The following ALG8 variants were observed in gnomAD, a reference collection of about 807,000 sequenced individuals.
The protein encoded by ALG8 is dolichyl pyrophosphate Glc1Man9GlcNAc2 alpha-1,3-glucosyltransferase.
Under a neutral mutation model 70.2 loss-of-function variants are expected in ALG8, and 48 were observed. The observed-to-expected ratio is 0.68, with a 90% CI of 0.54 to 0.87. The LOEUF (loss-of-function observed/expected upper bound fraction) is 0.87, where lower values mean the gene tolerates loss of function less well. Among genes scored for constraint, ALG8 ranks in the 40% least tolerant of loss-of-function variants. The pLI is 0.00. For missense variants in ALG8, 572 were observed against 608.7 expected, an observed-to-expected ratio of 0.94 and a Z score of 0.64; for synonymous variants, 234 against 229.0, an observed-to-expected ratio of 1.02 and a Z score of -0.20.
chr11:78,121,308 T>C (rs199913102), intron 3 of ALG8, 134 bp from the exon 4 acceptor site: 2 of 712,394 alleles, frequency 2.8e-6, no homozygotes, highest in African/African-American at 3.6e-5. Context: ...TTTTTTCCAA[T>C]TTTTCTTTTT....
At chr11:78,133,538 C>T (rs946119309) in intron 1 of ALG8, 2 of 152,076 alleles carry the variant, frequency 1.3e-5, no homozygotes, top group Admixed American at 6.6e-5. Flanking sequence ...GTTTAGACCA[C>T]CATAATGAAG....
intron 2 of ALG8, among the ~76,000 whole-genome samples, chr11:78,126,736 A>C (rs1394416167): frequency 1.3e-5 from 2 of 152,100 alleles, no homozygotes; most frequent in Non-Finnish European, 2.9e-5. Context: ...TGAGACACTA[A>C]GGCCCAGAGA....
intron 6 of ALG8, 115 bp downstream of exon 6, chr11:78,114,151 A>G: frequency 6.9e-7 from 1 of 1,459,854 alleles, no homozygotes; most frequent in Non-Finnish European, 9.5e-7. Context: ...GGCTTACAGG[A>G]TTAGCAGCTG....
At chr11:78,136,050 G>C in intron 1 of ALG8, among the ~76,000 whole-genome samples, 1 of 151,850 alleles carries the variant, frequency 6.6e-6, no homozygotes, top group East Asian at 1.9e-4. Context: ...TGCACCTGTA[G>C]TTCAAGCTAC....
intron 8 of ALG8, among the ~76,000 whole-genome samples, chr11:78,111,376 T>C (rs914106906): frequency 6.6e-6 from 1 of 152,176 alleles, no homozygotes; most frequent in Non-Finnish European, 1.5e-5. Flanking sequence ...TAGGTACAGG[T>C]AAAGTACTAG....
chr11:78,103,958 T>C (rs756061574), intron 12 of ALG8, 22 bp downstream of exon 12: 6 of 1,329,168 alleles, frequency 4.5e-6, no homozygotes, highest in Non-Finnish European at 6.5e-6. Context: ...GTAAGTATAA[T>C]TTTAAACATT....
chr11:78,130,606 T>C (rs938337049), intron 1 of ALG8, among the ~76,000 whole-genome samples: 4 of 152,182 alleles, frequency 2.6e-5, no homozygotes, highest in Non-Finnish European at 5.9e-5. Context: ...CATTGGTTTT[T>C]AGTATAAAAT....
intron 1 of ALG8, among the ~76,000 whole-genome samples, chr11:78,128,370 A>C (rs1226247582): frequency 6.6e-6 from 1 of 152,188 alleles, no homozygotes; most frequent in Non-Finnish European, 1.5e-5. Context: ...GTTCCACAGC[A>C]AAGCCCAATT....
chr11:78,120,379 T>G (rs1027005885), intron 4 of ALG8, among the ~76,000 whole-genome samples: 7 of 152,138 alleles, frequency 4.6e-5, no homozygotes, highest in Non-Finnish European at 7.4e-5. Flanking sequence ...ACATATACAA[T>G]CTTATGTATT....
chr11:78,111,059 G>A (rs534723), intron 8 of ALG8, among the ~76,000 whole-genome samples: 19,768 of 152,174 alleles, frequency 0.13, 1,483 homozygotes, highest in East Asian at 0.29. Context: ...TGTACATCAA[G>A]GCTAGATTCA....
At chr11:78,131,541 T>G (rs1218279380) in intron 1 of ALG8, among the ~76,000 whole-genome samples, 1 of 152,224 alleles carries the variant, frequency 6.6e-6, no homozygotes, top group Admixed American at 6.5e-5. Context: ...AATTTGAGGC[T>G]GCAGTGAGCT....
intron 3 of ALG8, among the ~76,000 whole-genome samples, chr11:78,121,927 A>G (rs1340698174): frequency 1.3e-5 from 2 of 152,240 alleles, no homozygotes; most frequent in African/African-American, 4.8e-5. Flanking sequence ...ACAGGTGACA[A>G]AACAGTAAGA....
At chr11:78,112,606 C>A in intron 8 of ALG8, 44 bp downstream of exon 8, 1 of 1,609,890 alleles carries the variant, frequency 6.2e-7, no homozygotes, top group Non-Finnish European at 8.5e-7. Flanking sequence ...TGCCTAAGTC[C>A]TTTCAATATT....
intron 9 of ALG8, 55 bp downstream of exon 9, chr11:78,109,383 CCAGA>C (rs1233641551): frequency 1.2e-6 from 2 of 1,607,892 alleles, no homozygotes; most frequent in Admixed American, 3.3e-5. Flanking sequence ...ATTTAATCAG[CCAGA>C]CAAAAGAAAA....
At chr11:78,110,878 T>C (rs1860256202) in intron 8 of ALG8, among the ~76,000 whole-genome samples, 2 of 152,214 alleles carry the variant, frequency 1.3e-5, no homozygotes, top group Admixed American at 6.5e-5. Context: ...TGTCTAACTC[T>C]GACACTGACT....
intron 1 of ALG8, chr11:78,137,586 G>A (rs1861604308): frequency 6.6e-6 from 1 of 152,174 alleles, no homozygotes; most frequent in African/African-American, 2.4e-5. Context: ...ACACTTAGAT[G>A]CCACTGTAGG....
chr11:78,119,725 G>A (rs955493214), intron 4 of ALG8, among the ~76,000 whole-genome samples: 1 of 151,986 alleles, frequency 6.6e-6, no homozygotes, highest in African/African-American at 2.4e-5. Flanking sequence ...CACTGCACCC[G>A]GCCTAAACAC....
At chr11:78,105,393 T>G (rs985076199) in intron 10 of ALG8, among the ~76,000 whole-genome samples, 5 of 152,176 alleles carry the variant, frequency 3.3e-5, no homozygotes, top group Non-Finnish European at 7.3e-5. Flanking sequence ...TAGCATGGCA[T>G]AGTGAAAAGA....
chr11:78,103,236 G>A (rs999264358), intron 12 of ALG8, among the ~76,000 whole-genome samples: 1 of 152,110 alleles, frequency 6.6e-6, no homozygotes, highest in African/African-American at 2.4e-5. Context: ...AAGGTAAGTG[G>A]ATCACCTGAC....
Sources: allele counts gnomAD v4.1 joint callset (sites outside exome capture counted in the v4.1 genomes callset), GRCh38; gene constraint gnomAD v4.1.1; transcripts MANE v1.5; gene names NCBI Gene and HGNC (gene_info 2026-07-23, HGNC 2026-07-21).